The following KIF1B variants were observed in gnomAD, a reference collection of about 807,000 sequenced individuals.
The protein encoded by KIF1B is kinesin family member 1B.
A neutral mutation model predicts 241.9 loss-of-function variants in KIF1B; 76 were observed. That is an observed-to-expected ratio of 0.31 (90% CI 0.26 to 0.38). KIF1B has a LOEUF of 0.38. Among genes scored for constraint, KIF1B ranks in the 10% least tolerant of loss-of-function variants. The pLI, the probability that KIF1B is intolerant of heterozygous loss-of-function variation, is 1.00. For missense variants in KIF1B, 1,622 were observed against 2,271.4 expected (o/e 0.71, Z 5.81); for synonymous variants, 750 against 796.7 (o/e 0.94, Z 0.99).
chr1:10,231,879 G>A (rs959649479), intron 1 of KIF1B, among the ~76,000 whole-genome samples: 1 of 152,048 alleles, frequency 6.6e-6, no homozygotes, highest in African/African-American at 2.4e-5. Context: ...GACTTTTTAG[G>A]TATAAGAAGG....
At chr1:10,211,096 C>T (rs999677216) in intron 1 of KIF1B, among the ~76,000 whole-genome samples, 1 of 152,088 alleles carries the variant, frequency 6.6e-6, no homozygotes, top group Admixed American at 6.5e-5. Context: ...CGGCTGGGGC[C>T]CCCGCAGTGC....
chr1:10,347,478 T>C (rs1652629512), intron 35 of KIF1B, among the ~76,000 whole-genome samples: 1 of 152,226 alleles, frequency 6.6e-6, no homozygotes. Context: ...GTTTCTTATC[T>C]CCTGTCAATT....
intron 1 of KIF1B, among the ~76,000 whole-genome samples, chr1:10,228,042 G>A (rs894643780): frequency 3.3e-5 from 5 of 150,570 alleles, no homozygotes; most frequent in South Asian, 2.1e-4. Flanking sequence ...AAAATTACCC[G>A]GGCGTGCTGG....
chr1:10,275,504 G>A lies in KIF1B; in HGVS notation c.958+1G>A. On this transcript the variant is annotated splice_donor_variant, in intron 11 of 48. Coordinates refer to ENST00000676179, the MANE Select transcript of KIF1B (RefSeq NM_001365951.3). LOFTEE classifies it high-confidence loss of function. ...ACTTGGCTCCTTCGAGAAAATTTAGGTATGTTGACCACTAGTGAAAAGTAG... is the reference window on the plus strand; with the variant it reads ...ACTTGGCTCCTTCGAGAAAATTTAGATATGTTGACCACTAGTGAAAAGTAG... 1 of 1,519,000 alleles carries A rather than the reference G, an allele frequency of 6.6e-7. No homozygotes were observed. The highest frequency in any genetic ancestry group is 1.4e-5 in the African/African-American group (1 of 73,002). The allele number at this position is 1,519,000 out of a possible 1,614,324, so 94.1% of individuals were successfully genotyped here.
rs1350299262 is a variant in KIF1B at position 10,273,033 on chromosome 1, T to C, written c.882+2T>C. Reference sequence around the variant, plus strand: ...CTGTAGGATAACTGCACTAGCAAGGTACAGTGGGGATTGGTAGAGATAAAC... The same window carrying C: ...CTGTAGGATAACTGCACTAGCAAGGCACAGTGGGGATTGGTAGAGATAAAC... On this transcript the variant is annotated splice_donor_variant, in intron 10 of 48. Transcript: ENST00000676179. LOFTEE classifies it high-confidence loss of function. 3 of 1,544,942 alleles carry C rather than the reference T, an allele frequency of 1.9e-6. No homozygotes were observed. The East Asian group carries it at 7.3e-5, about 38-fold the overall frequency.
chr1:10,324,125 G>T (rs1651630802), intron 25 of KIF1B, 63 bp downstream of exon 25: 2 of 1,136,790 alleles, frequency 1.8e-6, no homozygotes, highest in Admixed American at 2.0e-5. Flanking sequence ...CTGCTCAAGT[G>T]AGCTCCCTCC....
Position 10,380,082 on chromosome 1 carries a change from CA to C in KIF1B, c.*3496del, listed in dbSNP as rs2102370459. ...CTCATTTCAGATGAAGGAACTAAGT[CA>C]TTGTGAACTGTCTCTTGAGATCTAA... On this transcript the variant is annotated 3_prime_UTR_variant, in exon 49 of 49. Transcript: ENST00000676179. The C allele has an allele frequency of 4.4e-6, 1 of 228,446 alleles. No homozygotes were observed. The highest frequency in any genetic ancestry group is 2.2e-5 in the African/African-American group (1 of 45,126). 14.2% of individuals were successfully genotyped at this position (228,446 alleles called of 1,614,324 possible).
intron 7 of KIF1B, among the ~76,000 whole-genome samples, 195 bp downstream of exon 7, chr1:10,268,458 G>T (rs920646814): frequency 1.3e-5 from 2 of 152,108 alleles, no homozygotes; most frequent in African/African-American, 4.8e-5. Flanking sequence ...CTTAAATGAA[G>T]TTGTAAGATA....
chr1:10,231,816 C>CAG (rs77374837), intron 1 of KIF1B, among the ~76,000 whole-genome samples: 1 of 151,844 alleles, frequency 6.6e-6, no homozygotes, highest in East Asian at 1.9e-4. Flanking sequence ...GAAACACACA[C>CAG]AGAGAGAGAG....
At chr1:10,240,721 AT>A (rs34449939) in intron 2 of KIF1B, among the ~76,000 whole-genome samples, 17,934 of 109,574 alleles carry the variant, frequency 0.16, 1,052 homozygotes, top group African/African-American at 0.28. Flanking sequence ...TGGGTAGTTC[AT>A]TTTTTTTTTT....
intron 37 of KIF1B, among the ~76,000 whole-genome samples, chr1:10,349,500 T>G (rs1652710838): frequency 6.6e-6 from 1 of 151,774 alleles, no homozygotes; most frequent in East Asian, 1.9e-4. Flanking sequence ...GGAGACAGCA[T>G]ATATATGTGC....
At chr1:10,281,174 T>C (rs879669375) in intron 14 of KIF1B, among the ~76,000 whole-genome samples, 29 of 152,126 alleles carry the variant, frequency 1.9e-4, no homozygotes, top group Non-Finnish European at 2.6e-4. Flanking sequence ...ACTAATAGTA[T>C]TTTTTTCCAG....
chr1:10,232,404 T>C lies in KIF1B; in HGVS notation c.76T>C (p.Cys26Arg). The change falls in exon 2 of 49, where the codon TGC becomes CGC. Residue 26 changes from cysteine to arginine, a missense_variant. Coordinates refer to ENST00000676179, the MANE Select transcript of KIF1B (RefSeq NM_001365951.3). ...TCGAGAGACCAGCAAGGAATCCAAA[T>C]GCATCATTCAGATGCAAGGCAACTC... is the stretch of plus-strand genomic sequence containing the variant. The part of the protein sequence containing the change: ...NSRETSKESK[C>R]IIQMQGNSTS... The C allele has an allele frequency of 6.2e-7, 1 of 1,614,060 alleles. No individual in the cohort carries two copies. Among genetic ancestry groups the C allele is most frequent in the East Asian group, 2.2e-5 (1 of 44,878 alleles).
intron 27 of KIF1B, among the ~76,000 whole-genome samples, chr1:10,333,713 A>C (rs1652049273): frequency 6.6e-6 from 1 of 152,108 alleles, no homozygotes; most frequent in African/African-American, 2.4e-5. Context: ...AAAAGCAACC[A>C]ATAAAGACCA....
intron 26 of KIF1B, among the ~76,000 whole-genome samples, chr1:10,325,342 C>A (rs1384013798): frequency 6.6e-6 from 1 of 152,066 alleles, no homozygotes; most frequent in Non-Finnish European, 1.5e-5. Context: ...TGGTAGTCCC[C>A]TTCAGCCTCA....
At chr1:10,319,917 T>C in intron 22 of KIF1B, 126 bp from the exon 23 acceptor site, 5 of 685,562 alleles carry the variant, frequency 7.3e-6, no homozygotes, top group Non-Finnish European at 1.3e-5. Context: ...TATTATTGTT[T>C]CCTGCCTTTG....
At chr1:10,347,954 T>TG in intron 36 of KIF1B, 127 bp downstream of exon 36, 1 of 795,250 alleles carries the variant, frequency 1.3e-6, no homozygotes, top group African/African-American at 1.8e-5. Context: ...ATTGTCCTGT[T>TG]GTCATTTTTT....
intron 37 of KIF1B, among the ~76,000 whole-genome samples, chr1:10,352,373 T>G (rs955245177): frequency 1.3e-5 from 2 of 152,174 alleles, no homozygotes; most frequent in African/African-American, 4.8e-5. Flanking sequence ...GGTGGCCTTT[T>G]GTGATCAGGG....
intron 38 of KIF1B, among the ~76,000 whole-genome samples, chr1:10,357,969 A>G (rs1638300371): frequency 6.6e-6 from 1 of 152,072 alleles, no homozygotes; most frequent in South Asian, 2.1e-4. Context: ...AGATCGCACC[A>G]TTGCACTCCA....
Sources: gnomAD v4.1 joint callset for allele counts (sites outside exome capture counted in the v4.1 genomes callset) on GRCh38, gnomAD v4.1.1 for gene constraint, MANE v1.5 for transcripts, NCBI Gene and HGNC (gene_info 2026-07-23, HGNC 2026-07-21) for gene names.